PDE4D: variants seen among roughly 807,000 people sequenced by gnomAD.
The protein encoded by PDE4D is 3',5'-cyclic-AMP phosphodiesterase 4D.
PDE4D carries 24 observed loss-of-function variants against 87.4 expected under a neutral mutation model. That is an observed-to-expected ratio of 0.27 (90% CI 0.20 to 0.39). The LOEUF is 0.39. PDE4D is among the 10% of genes least tolerant of loss of function. The pLI, the probability that PDE4D is intolerant of heterozygous loss-of-function variation, is 1.00. For synonymous variants in PDE4D, 384 were observed against 383.2 expected (o/e 1.00, Z -0.02); for missense variants, 714 against 1,041.0 (o/e 0.69, Z 4.32).
chr5:59,164,063 C>A (rs1334173082), intron 5 of PDE4D, among the ~76,000 whole-genome samples: 2 of 152,144 alleles, frequency 1.3e-5, no homozygotes, highest in African/African-American at 4.8e-5. Flanking sequence ...GAGAACAAAA[C>A]CTTCCAGAGG....
intron 1 of PDE4D, among the ~76,000 whole-genome samples, chr5:59,855,453 A>G (rs1745290012): frequency 6.6e-6 from 1 of 152,190 alleles, no homozygotes; most frequent in South Asian, 2.1e-4. Flanking sequence ...TGTCACAAAA[A>G]TGTTCCAAGC....
intron 1 of PDE4D, among the ~76,000 whole-genome samples, chr5:59,402,136 T>G (rs1015724430): frequency 6.6e-6 from 1 of 152,214 alleles, no homozygotes; most frequent in African/African-American, 2.4e-5. Flanking sequence ...TCAAGTAGAA[T>G]CAACAATGGC....
chr5:59,097,381 T>C (rs892295760), intron 5 of PDE4D, among the ~76,000 whole-genome samples: 1 of 152,230 alleles, frequency 6.6e-6, no homozygotes, highest in African/African-American at 2.4e-5. Context: ...TTCAGACTAG[T>C]GCTGGGCTTA....
chr5:59,912,827 C>T (rs1753600003), intron 3 of PDE4D, among the ~76,000 whole-genome samples: 1 of 152,078 alleles, frequency 6.6e-6, no homozygotes. Flanking sequence ...AACAATAACA[C>T]ATAATAAATC....
chr5:59,195,361 C>T (rs990887709), intron 2 of PDE4D, among the ~76,000 whole-genome samples: 1 of 152,092 alleles, frequency 6.6e-6, no homozygotes, highest in Non-Finnish European at 1.5e-5. Flanking sequence ...ACTGAAGTGG[C>T]AAGGAGGCCA....
intron 1 of PDE4D, among the ~76,000 whole-genome samples, chr5:60,240,689 A>G (rs1482927757): frequency 6.6e-6 from 1 of 152,046 alleles, no homozygotes; most frequent in East Asian, 1.9e-4. Flanking sequence ...ATAGAGAGAG[A>G]TTCTGTGTTT....
intron 1 of PDE4D, among the ~76,000 whole-genome samples, chr5:59,459,904 A>C (rs191511027): frequency 6.6e-6 from 1 of 152,288 alleles, no homozygotes; most frequent in Admixed American, 6.5e-5. Context: ...CAATTCCTCT[A>C]AGGTTCGAGG....
chr5:59,903,973 C>T lies in PDE4D; in HGVS notation c.272+84515G>A, dbSNP rs1457414245. 3.3e-5 allele frequency among the ~76,000 whole-genome samples: 5 copies of T among 152,176 alleles called. No individual in the cohort carries two copies. The South Asian group carries it at 6.2e-4, about 19-fold the overall frequency. On this transcript the variant is annotated intron_variant, in intron 3 of 16. Coordinates refer to the PDE4D transcript ENST00000502484. ...TGCATGACTTTTTGGCCAAGTTTTA[C>T]AGCTTTGCTGAGCCTTAGTTTCCTC...
intron 1 of PDE4D, among the ~76,000 whole-genome samples, chr5:60,342,843 C>G (rs1373697093): frequency 6.6e-6 from 1 of 152,254 alleles, no homozygotes; most frequent in Admixed American, 6.5e-5. Flanking sequence ...TTTAAGAGGG[C>G]ACTTTGGCAA....
intron 1 of PDE4D, among the ~76,000 whole-genome samples, chr5:59,869,575 T>A (rs995000650): frequency 3.9e-5 from 6 of 152,166 alleles, no homozygotes; most frequent in Non-Finnish European, 7.4e-5. Flanking sequence ...CACTTGTTTG[T>A]GTTTTTGTTG....
chr5:60,472,246 G>A (rs762094922), intron 1 of PDE4D, among the ~76,000 whole-genome samples: 7 of 152,074 alleles, frequency 4.6e-5, no homozygotes, highest in African/African-American at 9.7e-5. Context: ...TGAGGGAAAC[G>A]ATGTTAAAAT....
chr5:59,229,923 C>T (rs531362694), intron 1 of PDE4D, among the ~76,000 whole-genome samples: 6 of 152,126 alleles, frequency 3.9e-5, no homozygotes, highest in Non-Finnish European at 5.9e-5. Context: ...CTCAGGCCCC[C>T]GAGTAGCTGG....
chr5:60,511,680 T>A (rs969527403), intron 1 of PDE4D, among the ~76,000 whole-genome samples: 1 of 151,966 alleles, frequency 6.6e-6, no homozygotes, highest in Non-Finnish European at 1.5e-5. Flanking sequence ...GGAGTTGTTT[T>A]TCCAAGGATA....
At chr5:59,635,473 C>T (rs757213315) in intron 1 of PDE4D, among the ~76,000 whole-genome samples, 2 of 152,142 alleles carry the variant, frequency 1.3e-5, no homozygotes, top group Non-Finnish European at 2.9e-5. Context: ...TGATGAACAT[C>T]GATGTGAAAA....
At chr5:59,434,890 A>C (rs1178395369) in intron 1 of PDE4D, among the ~76,000 whole-genome samples, 1 of 152,150 alleles carries the variant, frequency 6.6e-6, no homozygotes, top group Non-Finnish European at 1.5e-5. Context: ...AGATGCATTC[A>C]ATGTGCTAGG....
chr5:59,122,958 CAA>C lies in PDE4D; in HGVS notation c.808+57635_808+57636del, dbSNP rs550058998. Among the ~76,000 whole-genome samples, 110 of 151,992 alleles carry C rather than the reference CAA, an allele frequency of 7.2e-4. 1 individual carries two copies. The East Asian group carries it at 0.02, about 27-fold the overall frequency. Reference sequence around the variant, plus strand: ...ATATTAGAATTGAGACTAATGGAGTCAAAGAGTCCTGTAACATCAGACACAGC... The same window carrying C: ...ATATTAGAATTGAGACTAATGGAGTCAGAGTCCTGTAACATCAGACACAGC... On this transcript the variant is annotated intron_variant, in intron 5 of 14. Coordinates refer to ENST00000340635, the MANE Select transcript of PDE4D (RefSeq NM_001104631.2).
At chr5:60,317,880 C>T (rs944877732) in intron 1 of PDE4D, among the ~76,000 whole-genome samples, 3 of 152,138 alleles carry the variant, frequency 2.0e-5, no homozygotes, top group African/African-American at 7.2e-5. Context: ...TGTTCTTTTA[C>T]ATTTGCTAAG....
intron 2 of PDE4D, among the ~76,000 whole-genome samples, chr5:60,022,367 C>T (rs1237288730): frequency 1.3e-5 from 2 of 152,110 alleles, no homozygotes; most frequent in Admixed American, 6.5e-5. Flanking sequence ...AGGAGTATTC[C>T]TGTAGAAGAA....
At position 59,210,411 on chromosome 5, in the gene PDE4D, G is replaced by C. The variant is rs77049534; in HGVS notation, c.647+5366C>G. Among the ~76,000 whole-genome samples, 854 of 152,304 alleles carry C rather than the reference G, an allele frequency of 5.6e-3. 12 individuals carry two copies. In the East Asian group the frequency reaches 0.058, roughly 10 times the overall value. On this transcript the variant is annotated intron_variant, in intron 2 of 14. Coordinates refer to ENST00000340635, the MANE Select transcript of PDE4D (RefSeq NM_001104631.2). ...GCAAAAGTAGTAGAGAGGAGTGGCT[G>C]TGACTGAAAACACACATTAGAGGCC...
Sources: gnomAD v4.1 joint callset for allele counts (sites outside exome capture counted in the v4.1 genomes callset) on GRCh38, gnomAD v4.1.1 for gene constraint, MANE v1.5 for transcripts, NCBI Gene and HGNC (gene_info 2026-07-23, HGNC 2026-07-21) for gene names.